The following ABCA4 variants were observed in gnomAD, a reference collection of about 807,000 sequenced individuals.
ABCA4 encodes the protein retinal-specific phospholipid-transporting ATPase ABCA4.
Under a neutral mutation model 263.7 loss-of-function variants are expected in ABCA4, and 196 were observed. The observed-to-expected ratio is 0.74, with a 90% CI of 0.66 to 0.84. ABCA4 has a LOEUF of 0.84. Ranked by LOEUF, ABCA4 falls within the 40% of genes least tolerant of loss-of-function variation. The probability of loss-of-function intolerance (pLI) is 0.00; values close to 1 mark genes in which losing one functional copy is unlikely to be tolerated. For synonymous variants in ABCA4, 1,133 were observed against 1,094.2 expected (o/e 1.04, Z -0.70); for missense variants, 2,792 against 2,855.1 (o/e 0.98, Z 0.50).
In ABCA4 at chr1:94,007,682, G is replaced by A; in HGVS notation, c.5957C>T (p.Thr1986Ile). 2 of 1,614,122 alleles carry A rather than the reference G, an allele frequency of 1.2e-6. No homozygotes were observed. Among genetic ancestry groups the A allele is most frequent in the Non-Finnish European group, 1.7e-6 (2 of 1,180,038 alleles). ...CCCTGAGGTCACTGTGGTGTCCCCA[G>A]TGAGCATCTTGAATGTGGTTGTTTT... ...AGKTTTFKML[T>I]GDTTVTSGDA... Residue 1986 changes from threonine (T) to isoleucine (I), a missense_variant, in exon 43 of 50, where the codon ACT becomes ATT. By Grantham distance (89) the Thr-to-Ile change is moderately conservative. Transcript: ENST00000370225.
chr1:94,026,960 TAG>T, intron 30 of ABCA4, among the ~76,000 whole-genome samples: 1 of 149,452 alleles, frequency 6.7e-6, no homozygotes, highest in South Asian at 2.1e-4. Flanking sequence ...GAGAGAAAGA[TAG>T]AGAGAGAATG....
intron 6 of ABCA4, among the ~76,000 whole-genome samples, chr1:94,091,440 C>A (rs1661964600): frequency 6.6e-6 from 1 of 152,108 alleles, no homozygotes; most frequent in Non-Finnish European, 1.5e-5. Flanking sequence ...TCTTTTGGTT[C>A]CCCCTTCCCT....
chr1:94,048,997 G>C (rs780222167), intron 17 of ABCA4, 40 bp from the exon 18 acceptor site: 1 of 1,603,824 alleles, frequency 6.2e-7, no homozygotes, highest in Non-Finnish European at 8.5e-7. Flanking sequence ...ACCACCGGGA[G>C]CTGAGAACGA....
At chr1:94,013,223 C>T (rs1659602103) in intron 38 of ABCA4, among the ~76,000 whole-genome samples, 1 of 152,070 alleles carries the variant, frequency 6.6e-6, no homozygotes, top group South Asian at 2.1e-4. Context: ...GTTCTTATCC[C>T]CCCGCCTTTC....
intron 36 of ABCA4, among the ~76,000 whole-genome samples, 189 bp from the exon 37 acceptor site, chr1:94,016,043 C>A (rs1659728960): frequency 6.6e-6 from 1 of 152,158 alleles, no homozygotes; most frequent in Admixed American, 6.5e-5. Flanking sequence ...CCACCCCATG[C>A]CCTACCTCCC....
At chr1:94,062,514 C>A (rs1661154469) in intron 13 of ABCA4, 63 bp downstream of exon 13, 15 of 1,569,972 alleles carry the variant, frequency 9.6e-6, no homozygotes, top group African/African-American at 8.1e-5. Context: ...CCCAGCCCAC[C>A]CCAGCCCACT....
rs1225459537 is a variant in ABCA4 at position 94,008,268 on chromosome 1, C to T, written c.5865G>A (p.Val1955=). 1.2e-6 allele frequency: 2 copies of T among 1,614,144 alleles called. No individual in the cohort carries two copies. The highest frequency in any genetic ancestry group is 1.1e-5 in the South Asian group (1 of 91,072). Residue 1955 remains valine (V), a synonymous_variant, in exon 42 of 50, where the codon GTG becomes GTA. Coordinates refer to ENST00000370225, the MANE Select transcript of ABCA4 (RefSeq NM_000350.3). Reference sequence around the variant, plus strand: ...GGCGAACTCCGACACACAGCCTGTCCACTGCTGGGCTGGAGGTGCCTGGAT... The same window carrying T: ...GGCGAACTCCGACACACAGCCTGTCTACTGCTGGGCTGGAGGTGCCTGGAT... The part of the protein sequence containing the change: ...KIYPGTSSPA[V]DRLCVGVRPG...
intron 45 of ABCA4, 196 bp downstream of exon 45, chr1:94,001,662 G>A: frequency 1.3e-6 from 1 of 796,704 alleles, no homozygotes; most frequent in Non-Finnish European, 2.1e-6. Context: ...TCAAGGCTGT[G>A]CCGTGACTTG....
rs142715811 is a variant in ABCA4 at position 94,036,780 on chromosome 1, C to A, written c.3822G>T (p.Leu1274=). 6.2e-7 allele frequency: 1 copy of A among 1,613,988 alleles called. No homozygotes were observed. The highest frequency in any genetic ancestry group is 8.5e-7 in the Non-Finnish European group (1 of 1,179,992). Residue 1274 remains leucine, a synonymous_variant, in exon 26 of 50, where the codon CTG becomes CTT. Coordinates refer to ENST00000370225, the MANE Select transcript of ABCA4 (RefSeq NM_000350.3). The stretch of plus-strand genomic sequence containing the variant: ...CTGAATCAGAATCCTCCGTGACCTT[C>A]AGAAAAATCTGTCAAGAAGAAAAAA... ...ISDTPLEEIF[L]KVTEDSDSGP...
At chr1:94,117,548 T>C (rs1374458366) in intron 1 of ABCA4, among the ~76,000 whole-genome samples, 2 of 152,104 alleles carry the variant, frequency 1.3e-5, no homozygotes, top group Non-Finnish European at 2.9e-5. Flanking sequence ...CCTAGTGATC[T>C]TCATAAACCC....
At chr1:94,012,079 A>G (rs1659562645) in intron 38 of ABCA4, among the ~76,000 whole-genome samples, 1 of 152,186 alleles carries the variant, frequency 6.6e-6, no homozygotes. Flanking sequence ...GAGAAAATAG[A>G]AGGGACATCG....
intron 11 of ABCA4, among the ~76,000 whole-genome samples, chr1:94,068,345 G>A (rs572172723): frequency 3.9e-5 from 6 of 152,232 alleles, no homozygotes; most frequent in Non-Finnish European, 8.8e-5. Flanking sequence ...TGTAGAAGCT[G>A]CTTTGGACAT....
At chr1:94,058,017 G>A (rs1332370387) in intron 14 of ABCA4, among the ~76,000 whole-genome samples, 1 of 152,240 alleles carries the variant, frequency 6.6e-6, no homozygotes, top group African/African-American at 2.4e-5. Flanking sequence ...AGCTGTATCT[G>A]TGATGGGCAT....
rs17110885 is a variant in ABCA4, at chr1:94,027,675, G to T, written c.4539+1770C>A. Among the ~76,000 whole-genome samples, 12,840 of 152,244 alleles carry T rather than the reference G, an allele frequency of 0.084. 724 individuals are homozygous for T. The highest frequency in any genetic ancestry group is 0.2 in the Middle Eastern group (60 of 294). On this transcript the variant is annotated intron_variant, in intron 30 of 49. Coordinates refer to ENST00000370225, the MANE Select transcript of ABCA4 (RefSeq NM_000350.3). ...ACCATTTATAAACCAGACTGTGATA[G>T]GTGCTGTGGCAAAATCTAGTTGCTC...
In ABCA4 at chr1:94,015,808, C is replaced by T. The variant is rs1659719374; in HGVS notation, c.5243G>A (p.Gly1748Glu). 1 of 1,613,990 alleles carries T rather than the reference C, an allele frequency of 6.2e-7. No homozygotes were observed. The highest frequency in any genetic ancestry group is 8.5e-7 in the Non-Finnish European group (1 of 1,180,006). Residue 1748 changes from glycine to glutamate, a missense_variant, in exon 37 of 50, where the codon GGG (glycine) becomes GAG (glutamate). Transcript: ENST00000370225. ...SAGLVVGIFI[G>E]FQKKAYTSPE... ...AGAAGTGTAGGCTTTCTTCTGAAAC[C>T]CGATGAAGATGCCCACCACCAGCCC...
At chr1:94,091,789 G>A (rs1661975861) in intron 6 of ABCA4, among the ~76,000 whole-genome samples, 1 of 152,234 alleles carries the variant, frequency 6.6e-6, no homozygotes, top group Admixed American at 6.5e-5. Flanking sequence ...ACTGAGGTCA[G>A]TCTAAGGGGC....
At chr1:94,058,885 C>T (rs553190320) in intron 14 of ABCA4, among the ~76,000 whole-genome samples, 171 of 152,294 alleles carry the variant, frequency 1.1e-3, no homozygotes, top group African/African-American at 3.9e-3. Flanking sequence ...CTTCCAGCTT[C>T]TTTCCTGTGT....
In ABCA4 at chr1:94,011,345, A is replaced by G. The variant is rs748355733; in HGVS notation, c.5501T>C (p.Ile1834Thr). The G allele has an allele frequency of 9.9e-6, 16 of 1,613,948 alleles. No individual in the cohort carries two copies. In the East Asian group the frequency reaches 2.5e-4, roughly 25 times the overall value. Residue 1834 changes from isoleucine to threonine, a missense_variant, in exon 39 of 50, where the codon ATT becomes ACT. Transcript: ENST00000370225. The part of the protein sequence containing the change: ...RFNAVLRKLL[I>T]VFPHFCLGRG... ...GCCCAGGCAGAAGTGGGGGAAGACA[A>G]TGAGCAGCTTCCTCAGCACGGCGTT... is the stretch of plus-strand genomic sequence containing the variant.
At chr1:94,093,588 C>G (rs968622011) in intron 6 of ABCA4, among the ~76,000 whole-genome samples, 1 of 152,208 alleles carries the variant, frequency 6.6e-6, no homozygotes, top group African/African-American at 2.4e-5. Flanking sequence ...TTCCCAGGGG[C>G]CTGCTCTTGT....
Sources: gnomAD v4.1 joint callset for allele counts (sites outside exome capture counted in the v4.1 genomes callset) on GRCh38, gnomAD v4.1.1 for gene constraint, MANE v1.5 for transcripts, NCBI Gene and HGNC (gene_info 2026-07-23, HGNC 2026-07-21) for gene names.